Variants in UNC5C observed in about 807,000 individuals in gnomAD.
The protein encoded by UNC5C is netrin receptor UNC5C.
A neutral mutation model predicts 99.8 loss-of-function variants in UNC5C; 47 were observed. The observed-to-expected ratio is 0.47, with a 90% CI of 0.37 to 0.60. The LOEUF (loss-of-function observed/expected upper bound fraction) is 0.60, where lower values mean the gene tolerates loss of function less well. UNC5C is among the 20% of genes least tolerant of loss of function. UNC5C has a pLI of 0.00. For synonymous variants in UNC5C, 487 were observed against 452.2 expected, an observed-to-expected ratio of 1.08 and a Z score of -0.98; for missense variants, 1,062 against 1,165.9, an observed-to-expected ratio of 0.91 and a Z score of 1.30.
intron 11 of UNC5C, among the ~76,000 whole-genome samples, chr4:95,205,301 G>A (rs898557378): frequency 6.6e-6 from 1 of 152,126 alleles, no homozygotes. Flanking sequence ...GGATTAAGAC[G>A]GGATGTTTTT....
At chr4:95,503,717 T>C (rs990013990) in intron 1 of UNC5C, among the ~76,000 whole-genome samples, 10 of 152,134 alleles carry the variant, frequency 6.6e-5, no homozygotes, top group African/African-American at 2.4e-4. Context: ...ATTTCTGTCC[T>C]TTTACTTGAA....
intron 1 of UNC5C, among the ~76,000 whole-genome samples, chr4:95,492,429 T>C (rs955236331): frequency 1.2e-4 from 18 of 151,386 alleles, no homozygotes; most frequent in African/African-American, 4.4e-4. Flanking sequence ...AAGCATCCAG[T>C]TACTAAGCTG....
At chr4:95,540,399 G>A (rs538405871) in intron 1 of UNC5C, among the ~76,000 whole-genome samples, 1 of 152,108 alleles carries the variant, frequency 6.6e-6, no homozygotes, top group Non-Finnish European at 1.5e-5. Context: ...ACTCAAATGG[G>A]CTTCTGTTTT....
At chr4:95,445,263 G>GTT (rs546759735) in intron 1 of UNC5C, among the ~76,000 whole-genome samples, 11 of 151,480 alleles carry the variant, frequency 7.3e-5, no homozygotes, top group African/African-American at 2.7e-4. Context: ...TCCATTCTTA[G>GTT]TTTTTTTCTC....
intron 7 of UNC5C, among the ~76,000 whole-genome samples, chr4:95,241,313 G>A (rs1018926466): frequency 6.6e-6 from 1 of 152,168 alleles, no homozygotes; most frequent in Non-Finnish European, 1.5e-5. Context: ...GGAATGCAGT[G>A]TACCCTGAAC....
chr4:95,368,254 A>G (rs1744632744), intron 1 of UNC5C, among the ~76,000 whole-genome samples: 1 of 151,790 alleles, frequency 6.6e-6, no homozygotes, highest in African/African-American at 2.4e-5. Flanking sequence ...TTTCCTGTCT[A>G]TAGAAACTAA....
chr4:95,542,665 C>G (rs552006856), intron 1 of UNC5C, among the ~76,000 whole-genome samples: 2 of 152,108 alleles, frequency 1.3e-5, no homozygotes, highest in Non-Finnish European at 2.9e-5. Context: ...CAACACAAAA[C>G]TATTTTTTTA....
intron 1 of UNC5C, among the ~76,000 whole-genome samples, chr4:95,396,818 C>G (rs1032168827): frequency 6.6e-6 from 1 of 152,178 alleles, no homozygotes; most frequent in Admixed American, 6.5e-5. Flanking sequence ...CTGATTGTGA[C>G]CCTATGTTAA....
intron 1 of UNC5C, among the ~76,000 whole-genome samples, chr4:95,338,223 A>G (rs1017526272): frequency 3.3e-5 from 5 of 152,024 alleles, no homozygotes; most frequent in African/African-American, 9.7e-5. Context: ...TTAACATACT[A>G]AAAGAACACT....
At chr4:95,348,877 C>T (rs1285157034) in intron 1 of UNC5C, among the ~76,000 whole-genome samples, 1 of 150,782 alleles carries the variant, frequency 6.6e-6, no homozygotes, top group Non-Finnish European at 1.5e-5. Flanking sequence ...GAAAGACAAA[C>T]TTCACAGGTT....
At chr4:95,517,147 A>G (rs576501209) in intron 1 of UNC5C, among the ~76,000 whole-genome samples, 62 of 152,346 alleles carry the variant, frequency 4.1e-4, no homozygotes, top group African/African-American at 1.3e-3. Flanking sequence ...GCGAGATACA[A>G]ACAACGATTA....
chr4:95,526,687 A>G (rs1336089832), intron 1 of UNC5C, among the ~76,000 whole-genome samples: 1 of 152,058 alleles, frequency 6.6e-6, no homozygotes, highest in Non-Finnish European at 1.5e-5. Flanking sequence ...ACATTGTATA[A>G]TGAATTAAAG....
chr4:95,386,865 T>C (rs566704557), intron 1 of UNC5C, among the ~76,000 whole-genome samples: 47 of 152,278 alleles, frequency 3.1e-4, no homozygotes, highest in African/African-American at 1.1e-3. Context: ...GAAGATCTTT[T>C]TGTGGTCCTC....
intron 1 of UNC5C, among the ~76,000 whole-genome samples, chr4:95,401,628 T>C (rs981456405): frequency 1.3e-5 from 2 of 152,156 alleles, no homozygotes; most frequent in African/African-American, 4.8e-5. Flanking sequence ...ACAGATTGGG[T>C]AATAATCCTA....
At chr4:95,425,488 A>T (rs949930842) in intron 1 of UNC5C, among the ~76,000 whole-genome samples, 6 of 152,062 alleles carry the variant, frequency 3.9e-5, no homozygotes, top group East Asian at 1.9e-4. Context: ...CGCCCAGCTA[A>T]TTTTTTTGTA....
At chr4:95,527,762 A>G (rs1262428811) in intron 1 of UNC5C, among the ~76,000 whole-genome samples, 1 of 152,170 alleles carries the variant, frequency 6.6e-6, no homozygotes, top group African/African-American at 2.4e-5. Context: ...TTATTAATCT[A>G]GAATATGAAG....
At chr4:95,175,236 C>T (rs1736287365) in intron 14 of UNC5C, among the ~76,000 whole-genome samples, 1 of 151,584 alleles carries the variant, frequency 6.6e-6, no homozygotes, top group Admixed American at 6.6e-5. Context: ...GCATTTAGTC[C>T]ATTTACATTT....
At position 95,372,723 on chromosome 4, in the gene UNC5C, T is replaced by TA. The variant is rs569660137; in HGVS notation, c.125-37093dup. 1.2e-3 allele frequency among the ~76,000 whole-genome samples: 177 copies of TA among 152,272 alleles called. 4 individuals are homozygous for TA. Among genetic ancestry groups the TA allele is most frequent in the Admixed American group, 0.011 (168 of 15,286 alleles). On this transcript the variant is annotated intron_variant, in intron 1 of 15. Transcript: ENST00000453304. ...AGAAATAGATATAAAATATAGCACTTACAGGCAGAACGAATGTGTGGTTGG... is the reference window on the plus strand; with the variant it reads ...AGAAATAGATATAAAATATAGCACTTAACAGGCAGAACGAATGTGTGGTTGG...
chr4:95,499,794 G>A (rs779017013), intron 1 of UNC5C, among the ~76,000 whole-genome samples: 2 of 152,080 alleles, frequency 1.3e-5, no homozygotes, highest in African/African-American at 2.4e-5. Flanking sequence ...GAAGTTGGAG[G>A]TATGTATGTG....
Sources: allele counts gnomAD v4.1 joint callset (sites outside exome capture counted in the v4.1 genomes callset), GRCh38; gene constraint gnomAD v4.1.1; transcripts MANE v1.5; gene names NCBI Gene and HGNC (gene_info 2026-07-23, HGNC 2026-07-21).